The following SUGCT variants were observed in gnomAD, a reference collection of about 807,000 sequenced individuals.
SUGCT encodes the protein succinyl-CoA:glutarate-CoA transferase, also known as succinyl-CoA:glutarate CoA-transferase.
In SUGCT, 41 loss-of-function variants were observed where a neutral mutation model predicts 55.0. The ratio of observed to expected loss-of-function variants is 0.74; its 90% CI spans 0.58 to 0.97. SUGCT has a LOEUF of 0.97. Among genes scored for constraint, SUGCT ranks in the 50% least tolerant of loss-of-function variants. SUGCT has a pLI of 0.00. For missense variants in SUGCT, 568 were observed against 547.8 expected, an observed-to-expected ratio of 1.04 and a Z score of -0.37; for synonymous variants, 187 against 200.4, an observed-to-expected ratio of 0.93 and a Z score of 0.56.
At chr7:40,605,020 G>T (rs1336359309) in intron 12 of SUGCT, among the ~76,000 whole-genome samples, 2 of 152,224 alleles carry the variant, frequency 1.3e-5, no homozygotes, top group African/African-American at 2.4e-5. Context: ...GGGGCTGTGT[G>T]CCCTCTGCTG....
At chr7:40,508,378 C>G (rs1367778120) in intron 12 of SUGCT, among the ~76,000 whole-genome samples, 1 of 152,112 alleles carries the variant, frequency 6.6e-6, no homozygotes, top group African/African-American at 2.4e-5. Flanking sequence ...CTATGTCTGC[C>G]TAGAATATAG....
chr7:40,779,478 C>G (rs531256301), intron 13 of SUGCT, among the ~76,000 whole-genome samples: 1 of 152,026 alleles, frequency 6.6e-6, no homozygotes, highest in Admixed American at 6.6e-5. Context: ...GATTTTGATG[C>G]GGGGTCAGCA....
At position 40,726,430 on chromosome 7, in the gene SUGCT, G is replaced by C. The variant is rs534581780; in HGVS notation, c.1090-23004G>C. Among the ~76,000 whole-genome samples, 122 of 152,104 alleles carry C rather than the reference G, an allele frequency of 8.0e-4. 2 individuals are homozygous for C. The highest frequency in any genetic ancestry group is 2.7e-3 in the African/African-American group (114 of 41,522). ...AGTATCTTCACATTGAATAGGCTGA[G>C]GGGGGAGCAGAAAGAAGGGGTTGGT... On this transcript the variant is annotated intron_variant, in intron 12 of 13. Coordinates refer to ENST00000335693, the MANE Select transcript of SUGCT (RefSeq NM_001193313.2).
chr7:40,826,414 G>T (rs1366265130), intron 13 of SUGCT, among the ~76,000 whole-genome samples: 2 of 152,122 alleles, frequency 1.3e-5, no homozygotes, highest in Non-Finnish European at 2.9e-5. Flanking sequence ...TAGGTAACTA[G>T]GGAATATCCA....
intron 11 of SUGCT, among the ~76,000 whole-genome samples, chr7:40,460,327 G>A (rs1789723583): frequency 6.6e-6 from 1 of 152,188 alleles, no homozygotes; most frequent in African/African-American, 2.4e-5. Context: ...CAGAATGGGG[G>A]ATGGAGAACT....
At chr7:40,759,782 T>C (rs1376368094) in intron 13 of SUGCT, among the ~76,000 whole-genome samples, 2 of 152,124 alleles carry the variant, frequency 1.3e-5, no homozygotes, top group Non-Finnish European at 2.9e-5. Context: ...TCAGCCTATT[T>C]TGGGATTACC....
the SUGCT span, among the ~76,000 whole-genome samples, chr7:40,873,134 G>A: frequency 6.6e-6 from 1 of 152,154 alleles, no homozygotes; most frequent in Non-Finnish European, 1.5e-5. Context: ...TGAAAAAGAG[G>A]ATAAATACAT....
intron 12 of SUGCT, among the ~76,000 whole-genome samples, chr7:40,634,700 A>G (rs2151814907): frequency 6.6e-6 from 1 of 152,336 alleles, no homozygotes; most frequent in African/African-American, 2.4e-5. Flanking sequence ...GCACCCAACA[A>G]ATGGGAAGCA....
intron 12 of SUGCT, among the ~76,000 whole-genome samples, chr7:40,541,703 A>G (rs1182261589): frequency 6.6e-6 from 1 of 152,238 alleles, no homozygotes; most frequent in African/African-American, 2.4e-5. Context: ...TCCTGTGGGA[A>G]GAAGAGTCTA....
intron 9 of SUGCT, among the ~76,000 whole-genome samples, chr7:40,366,670 A>C (rs1396561551): frequency 6.6e-6 from 1 of 152,204 alleles, no homozygotes; most frequent in African/African-American, 2.4e-5. Context: ...AAAAATGCTC[A>C]TCATCACTGG....
At chr7:40,777,107 G>C (rs555030705) in intron 13 of SUGCT, among the ~76,000 whole-genome samples, 1 of 152,178 alleles carries the variant, frequency 6.6e-6, no homozygotes, top group Non-Finnish European at 1.5e-5. Context: ...CAGGGGTAGA[G>C]ATGAGAGAGA....
chr7:40,220,726 A>C (rs1787972230), intron 6 of SUGCT, among the ~76,000 whole-genome samples: 1 of 152,166 alleles, frequency 6.6e-6, no homozygotes, highest in African/African-American at 2.4e-5. Flanking sequence ...CCTCACCTTA[A>C]GTTTCTTATT....
At chr7:41,017,478 A>C in the SUGCT span, among the ~76,000 whole-genome samples, 3 of 152,198 alleles carry the variant, frequency 2.0e-5, no homozygotes, top group African/African-American at 4.8e-5. Flanking sequence ...TTTTAGAAAG[A>C]TTTCACTGGA....
In SUGCT at chr7:40,343,864, G is replaced by A. The variant is rs1384145038; in HGVS notation, c.816+27009G>A. On this transcript the variant is annotated intron_variant, in intron 9 of 13. Transcript: ENST00000335693. ...GTAGAGACAGGGTTTCACTGTGTTA[G>A]CCAGGATGGTCTCGATCTCCTGACC... 1.4e-4 allele frequency among the ~76,000 whole-genome samples: 21 copies of A among 152,172 alleles called. 2 individuals carry two copies. In the South Asian group the frequency reaches 3.9e-3, roughly 29 times the overall value.
intron 12 of SUGCT, among the ~76,000 whole-genome samples, chr7:40,552,037 A>G (rs947330215): frequency 2.6e-5 from 4 of 152,204 alleles, no homozygotes; most frequent in African/African-American, 9.7e-5. Flanking sequence ...AAAAGCATCT[A>G]TGAGGTGCTA....
chr7:40,183,011 G>A (rs1032160543), intron 3 of SUGCT, among the ~76,000 whole-genome samples: 6 of 152,192 alleles, frequency 3.9e-5, no homozygotes, highest in Admixed American at 2.0e-4. Flanking sequence ...GGTGGCTTAC[G>A]CCTGTAATCC....
rs140742382 is a variant in SUGCT at position 40,757,339 on chromosome 7, G to A, written c.1153+7842G>A. On this transcript the variant is annotated intron_variant, in intron 13 of 13. Coordinates refer to ENST00000335693, the MANE Select transcript of SUGCT (RefSeq NM_001193313.2). ...TCAACTATGCTTATCTGTGGCATGA[G>A]GAAGAAATATTTTGTGAGACCTGGG... 4.3e-3 allele frequency among the ~76,000 whole-genome samples: 661 copies of A among 152,276 alleles called. 3 individuals carry two copies. The highest frequency in any genetic ancestry group is 0.016 in the African/African-American group (647 of 41,566).
the SUGCT span, among the ~76,000 whole-genome samples, chr7:40,960,912 A>T: frequency 6.6e-6 from 1 of 152,288 alleles, no homozygotes; most frequent in East Asian, 1.9e-4. Context: ...CACTTATATC[A>T]CTGGTCCTGT....
chr7:40,511,199 C>T (rs1163303127), intron 12 of SUGCT, among the ~76,000 whole-genome samples: 1 of 152,156 alleles, frequency 6.6e-6, no homozygotes, highest in Non-Finnish European at 1.5e-5. Context: ...GAGCGAACTT[C>T]CATATCATGT....
Sources: gnomAD v4.1 joint callset for allele counts (sites outside exome capture counted in the v4.1 genomes callset) on GRCh38, gnomAD v4.1.1 for gene constraint, MANE v1.5 for transcripts, NCBI Gene and HGNC (gene_info 2026-07-23, HGNC 2026-07-21) for gene names.